The following GIPC2 variants were observed in gnomAD, a reference collection of about 807,000 sequenced individuals.
The protein encoded by GIPC2 is GIPC PDZ domain containing family member 2, also known as PDZ domain-containing protein GIPC2.
Under a neutral mutation model 30.6 loss-of-function variants are expected in GIPC2, and 30 were observed. That is an observed-to-expected ratio of 0.98 (90% CI 0.73 to 1.33). The LOEUF is 1.33. Among genes scored for constraint, GIPC2 ranks in the 40% most tolerant of loss-of-function variants. GIPC2 has a pLI of 0.00. For synonymous variants in GIPC2, 167 were observed against 150.0 expected, an observed-to-expected ratio of 1.11 and a Z score of -0.83; for missense variants, 414 against 390.3, an observed-to-expected ratio of 1.06 and a Z score of -0.51.
In GIPC2 at chr1:78,080,699, C is replaced by T; in HGVS notation, c.265C>T (p.Pro89Ser). Reference protein sequence around the residue: ...SEILYCTLNTPKIDMERLLGG... With the variant: ...SEILYCTLNTSKIDMERLLGG... ...GATCTTATATTGCACTTTAAACACACCTAAAATTGACATGGAAAGACTCTT... is the reference window on the plus strand; with the variant it reads ...GATCTTATATTGCACTTTAAACACATCTAAAATTGACATGGAAAGACTCTT... The change falls in exon 2 of 6, where the codon CCT becomes TCT. Residue 89 changes from proline to serine, a missense_variant. By Grantham distance (74) the Pro-to-Ser change is moderately conservative (BLOSUM62 -1). Coordinates refer to ENST00000370759, the MANE Select transcript of GIPC2 (RefSeq NM_017655.6). 1.2e-6 allele frequency: 2 copies of T among 1,605,618 alleles called. No individual in the cohort carries two copies. The highest frequency in any genetic ancestry group is 2.2e-5 in the East Asian group (1 of 44,716).
intron 3 of GIPC2, among the ~76,000 whole-genome samples, chr1:78,109,868 T>C (rs1383221829): frequency 3.3e-5 from 5 of 152,200 alleles, no homozygotes; most frequent in Non-Finnish European, 1.5e-5. Flanking sequence ...TAAAAAATGA[T>C]GAGTTCATGT....
chr1:78,124,937 A>G (rs1456499661), intron 4 of GIPC2, among the ~76,000 whole-genome samples: 1 of 152,234 alleles, frequency 6.6e-6, no homozygotes, highest in Non-Finnish European at 1.5e-5. Flanking sequence ...AGATCACACC[A>G]CTGCACTTCA....
rs1039428499 is a variant in GIPC2 at position 78,091,252 on chromosome 1, T to A, written c.427-3700T>A. 2.0e-5 allele frequency among the ~76,000 whole-genome samples: 3 copies of A among 152,230 alleles called. No homozygotes were observed. The South Asian group carries it at 6.2e-4, about 32-fold the overall frequency. On this transcript the variant is annotated intron_variant, in intron 2 of 5. Coordinates refer to ENST00000370759, the MANE Select transcript of GIPC2 (RefSeq NM_017655.6). ...GGCTTATTGTGAAGACTAAATGAGA[T>A]AACTATTTACAACTGTATGACTGTT...
At chr1:78,105,149 C>A (rs1662320575) in intron 3 of GIPC2, among the ~76,000 whole-genome samples, 1 of 152,082 alleles carries the variant, frequency 6.6e-6, no homozygotes, top group Admixed American at 6.6e-5. Context: ...TGTAAACTTG[C>A]ATTAAAATTT....
chr1:78,084,094 T>G (rs553159478), intron 2 of GIPC2, among the ~76,000 whole-genome samples: 17 of 152,166 alleles, frequency 1.1e-4, no homozygotes, highest in Non-Finnish European at 1.9e-4. Flanking sequence ...GATAGTCAAG[T>G]TCTGGTGTTA....
intron 5 of GIPC2, among the ~76,000 whole-genome samples, chr1:78,126,564 A>C (rs1662786775): frequency 6.6e-6 from 1 of 151,532 alleles, no homozygotes; most frequent in Non-Finnish European, 1.5e-5. Flanking sequence ...AAAAAAAAGG[A>C]GAAACTTATT....
rs991862009 is a variant in GIPC2, at chr1:78,137,885, TAA to T, written c.*2143_*2144del. On this transcript the variant is annotated 3_prime_UTR_variant, in exon 6 of 6. Transcript: ENST00000370759. ...GTTTTTAGTGCAGTCACATAATATATAAGTGTGGGATACCCTTCTGCAGCTTC... is the reference window on the plus strand; with the variant it reads ...GTTTTTAGTGCAGTCACATAATATATGTGTGGGATACCCTTCTGCAGCTTC... 7 of 152,224 alleles carry T rather than the reference TAA, an allele frequency of 4.6e-5. No individual in the cohort carries two copies. Among genetic ancestry groups the T allele is most frequent in the African/African-American group, 1.7e-4 (7 of 41,462 alleles). 9.4% of individuals were successfully genotyped at this position (152,224 alleles called of 1,614,324 possible). A position where few individuals can be genotyped will look rare whatever the true frequency, so the allele number is the denominator to read the frequency against.
At chr1:78,131,960 ATTTTTTG>A (rs1662907604) in intron 5 of GIPC2, among the ~76,000 whole-genome samples, 1 of 152,158 alleles carries the variant, frequency 6.6e-6, no homozygotes, top group South Asian at 2.1e-4. Context: ...AAGATCAGGT[ATTTTTTG>A]AAGGCAGATA....
chr1:78,104,302 G>T (rs1190111891), intron 3 of GIPC2, among the ~76,000 whole-genome samples: 1 of 152,032 alleles, frequency 6.6e-6, no homozygotes, highest in African/African-American at 2.4e-5. Context: ...TGCAAAAGCC[G>T]CTCAGGACCC....
intron 2 of GIPC2, among the ~76,000 whole-genome samples, chr1:78,082,603 C>T (rs1375122509): frequency 6.6e-6 from 1 of 152,170 alleles, no homozygotes; most frequent in Non-Finnish European, 1.5e-5. Context: ...ATCTTAGCCT[C>T]TGACATTCAG....
intron 5 of GIPC2, among the ~76,000 whole-genome samples, chr1:78,130,893 C>A (rs533853593): frequency 6.6e-6 from 1 of 152,238 alleles, no homozygotes; most frequent in Non-Finnish European, 1.5e-5. Context: ...ATCACCAAAA[C>A]AAGTTTGTCA....
rs141352127 is a variant in GIPC2 at position 78,116,463 on chromosome 1, G to A, written c.608-2930G>A. On this transcript the variant is annotated intron_variant, in intron 3 of 5. Transcript: ENST00000370759. ...GTTGGTGTGCTGCACCCATTAACTC[G>A]TCATTTACATTAGGTATATCTCCTA... Among the ~76,000 whole-genome samples, 658 of 152,090 alleles carry A rather than the reference G, an allele frequency of 4.3e-3. 2 individuals are homozygous for A. Among genetic ancestry groups the A allele is most frequent in the Middle Eastern group, 0.024 (7 of 294 alleles).
intron 1 of GIPC2, among the ~76,000 whole-genome samples, chr1:78,056,159 G>A (rs1661291743): frequency 6.6e-6 from 1 of 152,126 alleles, no homozygotes; most frequent in Non-Finnish European, 1.5e-5. Flanking sequence ...AGCCACTCTG[G>A]GCAAAGACTG....
At chr1:78,055,609 A>G (rs893563049) in intron 1 of GIPC2, among the ~76,000 whole-genome samples, 2 of 151,946 alleles carry the variant, frequency 1.3e-5, no homozygotes, top group East Asian at 3.9e-4. Flanking sequence ...TCCCATTATT[A>G]CCTCACCCCA....
chr1:78,045,930 CA>C (rs1661057901), upstream of GIPC2: 1 of 1,353,868 alleles, frequency 7.4e-7, no homozygotes, highest in Non-Finnish European at 9.4e-7. Flanking sequence ...TGCTCCGGTC[CA>C]GGGGTGGAGG....
At chr1:78,086,825 G>A (rs1214447950) in intron 2 of GIPC2, among the ~76,000 whole-genome samples, 1 of 151,940 alleles carries the variant, frequency 6.6e-6, no homozygotes, top group African/African-American at 2.4e-5. Context: ...TGAATCTTGG[G>A]TGTTATTTTG....
intron 1 of GIPC2, among the ~76,000 whole-genome samples, chr1:78,073,518 CAT>C (rs1253932516): frequency 1.3e-5 from 2 of 152,028 alleles, no homozygotes; most frequent in Non-Finnish European, 2.9e-5. Context: ...GGAGGGTAGT[CAT>C]ATAAAAATAA....
At chr1:78,112,871 T>C (rs1399018383) in intron 3 of GIPC2, among the ~76,000 whole-genome samples, 2 of 152,182 alleles carry the variant, frequency 1.3e-5, no homozygotes, top group African/African-American at 2.4e-5. Context: ...TATGTATATA[T>C]AAACATTTTA....
At chr1:78,078,462 A>G (rs1159268798) in intron 1 of GIPC2, among the ~76,000 whole-genome samples, 1 of 152,166 alleles carries the variant, frequency 6.6e-6, no homozygotes, top group Admixed American at 6.5e-5. Flanking sequence ...ATGAAGTTCC[A>G]TTCACTGAAA....
Sources: allele counts gnomAD v4.1 joint callset (sites outside exome capture counted in the v4.1 genomes callset), GRCh38; gene constraint gnomAD v4.1.1; transcripts MANE v1.5; gene names NCBI Gene and HGNC (gene_info 2026-07-23, HGNC 2026-07-21).